LEPR: variants seen among roughly 807,000 people sequenced by gnomAD.
The protein encoded by LEPR is OB receptor.
In LEPR, 56 loss-of-function variants were observed where a neutral mutation model predicts 114.7. The ratio of observed to expected loss-of-function variants is 0.49; its 90% CI spans 0.39 to 0.61. LEPR has a LOEUF of 0.61. LEPR is among the 20% of genes least tolerant of loss of function. The probability of loss-of-function intolerance (pLI) is 0.00; values close to 1 mark genes in which losing one functional copy is unlikely to be tolerated. For synonymous variants in LEPR, 443 were observed against 461.4 expected (o/e 0.96, Z 0.51); for missense variants, 1,202 against 1,352.9 (o/e 0.89, Z 1.75).
intron 2 of LEPR, among the ~76,000 whole-genome samples, chr1:65,521,365 ACAGAACCAGGC>A (rs1649627429): frequency 6.6e-6 from 1 of 152,200 alleles, no homozygotes; most frequent in Non-Finnish European, 1.5e-5. Flanking sequence ...CAAAGGCCTG[ACAGAACCAGGC>A]CCACCATGAT....
At chr1:65,608,638 G>C (rs1570807170) in intron 11 of LEPR, 115 bp from the exon 12 acceptor site, 6 of 1,176,988 alleles carry the variant, frequency 5.1e-6, no homozygotes, top group Non-Finnish European at 7.2e-6. Flanking sequence ...GAGTGAGAAA[G>C]TTATGAAGAA....
intron 2 of LEPR, among the ~76,000 whole-genome samples, chr1:65,461,784 C>T (rs897073939): frequency 6.6e-6 from 1 of 152,136 alleles, no homozygotes; most frequent in Non-Finnish European, 1.5e-5. Flanking sequence ...ACAAACCCCA[C>T]CTCAGCCAGG....
At chr1:65,453,713 T>A (rs1344445315) in intron 2 of LEPR, among the ~76,000 whole-genome samples, 1 of 152,174 alleles carries the variant, frequency 6.6e-6, no homozygotes, top group Non-Finnish European at 1.5e-5. Flanking sequence ...TGTGGTCAAT[T>A]TTGGAATAGG....
At chr1:65,425,960 GAT>G (rs1646354352) in intron 2 of LEPR, among the ~76,000 whole-genome samples, 1 of 152,166 alleles carries the variant, frequency 6.6e-6, no homozygotes, top group South Asian at 2.1e-4. Context: ...GGGAACTAGG[GAT>G]TAAGACATAA....
chr1:65,621,604 G>A (rs1486575670), intron 18 of LEPR, 146 bp downstream of exon 18: 3 of 687,554 alleles, frequency 4.4e-6, no homozygotes, highest in Non-Finnish European at 7.4e-6. Flanking sequence ...GCATAAAAAG[G>A]AAAGGCCTGT....
intron 2 of LEPR, among the ~76,000 whole-genome samples, chr1:65,539,663 T>C (rs765474872): frequency 3.9e-5 from 6 of 152,238 alleles, no homozygotes; most frequent in Non-Finnish European, 8.8e-5. Flanking sequence ...TTGCTCGTGT[T>C]TGAGGAATTT....
intron 2 of LEPR, chr1:65,432,404 C>T: frequency 1.2e-6 from 1 of 862,392 alleles, no homozygotes; most frequent in Non-Finnish European, 1.4e-6. Flanking sequence ...GAATCTGAAG[C>T]CCCACTCTGG....
At chr1:65,458,325 C>T (rs928397752) in intron 2 of LEPR, among the ~76,000 whole-genome samples, 2 of 152,204 alleles carry the variant, frequency 1.3e-5, no homozygotes, top group Admixed American at 6.5e-5. Flanking sequence ...ATATTATTTT[C>T]CCTCTTTCTG....
Position 65,596,431 on chromosome 1 carries a change from T to C in LEPR, c.704-17T>C. ...AAAATTACTTGACTTAAAAGTATTC[T>C]CTTTTTTTTCCTTAAGTGAAGCCTG... is the stretch of plus-strand genomic sequence containing the variant. On this transcript the variant is annotated splice_polypyrimidine_tract_variant and intron_variant, in intron 6 of 19. Coordinates refer to ENST00000349533, the MANE Select transcript of LEPR (RefSeq NM_002303.6). 2 of 1,611,922 alleles carry C rather than the reference T, an allele frequency of 1.2e-6. No individual in the cohort carries two copies.
intron 1 of LEPR, among the ~76,000 whole-genome samples, chr1:65,421,711 TG>T (rs1412648268): frequency 6.6e-6 from 1 of 152,212 alleles, no homozygotes; most frequent in Non-Finnish European, 1.5e-5. Flanking sequence ...TTAGTAAACA[TG>T]GTTTACTTGG....
At chr1:65,553,211 G>A (rs576580440) in intron 2 of LEPR, among the ~76,000 whole-genome samples, 1 of 152,166 alleles carries the variant, frequency 6.6e-6, no homozygotes, top group East Asian at 1.9e-4. Flanking sequence ...TGCTCTTCTC[G>A]AGGAGTATCT....
chr1:65,595,025 G>A (rs1442077100), intron 6 of LEPR, among the ~76,000 whole-genome samples: 1 of 152,022 alleles, frequency 6.6e-6, no homozygotes, highest in Non-Finnish European at 1.5e-5. Context: ...GGGAGTAGTA[G>A]GGGATTGCAG....
chr1:65,443,138 ATTTAC>A (rs1306157841), intron 2 of LEPR, among the ~76,000 whole-genome samples: 1 of 152,220 alleles, frequency 6.6e-6, no homozygotes, highest in Non-Finnish European at 1.5e-5. Flanking sequence ...CTATGCTCTT[ATTTAC>A]TTAGAAAATC....
At chr1:65,496,583 A>T (rs534163696) in intron 2 of LEPR, among the ~76,000 whole-genome samples, 1 of 152,312 alleles carries the variant, frequency 6.6e-6, no homozygotes, top group East Asian at 1.9e-4. Flanking sequence ...AAACAAAAAC[A>T]AAAACAAAAA....
At chr1:65,550,759 C>G (rs1003058761) in intron 2 of LEPR, among the ~76,000 whole-genome samples, 2 of 152,182 alleles carry the variant, frequency 1.3e-5, no homozygotes, top group Admixed American at 6.5e-5. Context: ...TCCCTGACCC[C>G]TTGCGCTTCC....
chr1:65,555,004 G>A (rs1412906023), intron 2 of LEPR, among the ~76,000 whole-genome samples: 2 of 152,016 alleles, frequency 1.3e-5, no homozygotes, highest in East Asian at 3.9e-4. Flanking sequence ...ATGAGCCAAC[G>A]CCCCATCCTG....
At chr1:65,441,022 T>C (rs998023521) in intron 2 of LEPR, among the ~76,000 whole-genome samples, 4 of 152,242 alleles carry the variant, frequency 2.6e-5, no homozygotes, top group African/African-American at 4.8e-5. Context: ...ATCACAGTTA[T>C]GTGCAAAGCA....
At chr1:65,616,313 C>A in intron 15 of LEPR, 89 bp downstream of exon 15, 1 of 1,342,150 alleles carries the variant, frequency 7.5e-7, no homozygotes, top group Non-Finnish European at 1.0e-6. Context: ...TTTCAAGCAG[C>A]CTGCAATTCT....
chr1:65,526,411 C>A, intron 2 of LEPR: 3 of 985,310 alleles, frequency 3.0e-6, no homozygotes, highest in Non-Finnish European at 3.6e-6. Context: ...GAAAAAGAGA[C>A]CCAACTGAGG....
Sources: gnomAD v4.1 joint callset for allele counts (sites outside exome capture counted in the v4.1 genomes callset) on GRCh38, gnomAD v4.1.1 for gene constraint, MANE v1.5 for transcripts, NCBI Gene and HGNC (gene_info 2026-07-23, HGNC 2026-07-21) for gene names.